Variants in MOB3A observed in about 807,000 individuals in gnomAD.
MOB3A encodes the protein MOB LAK.
MOB3A carries 17 observed loss-of-function variants against 17.8 expected under a neutral mutation model. The ratio of observed to expected loss-of-function variants is 0.95; its 90% CI spans 0.65 to 1.43. MOB3A has a LOEUF of 1.43. Among genes scored for constraint, MOB3A ranks in the 40% most tolerant of loss-of-function variants. The probability of loss-of-function intolerance (pLI) is 0.00; values close to 1 mark genes in which losing one functional copy is unlikely to be tolerated. For synonymous variants in MOB3A, 124 were observed against 133.2 expected, an observed-to-expected ratio of 0.93 and a Z score of 0.48; for missense variants, 333 against 310.8, an observed-to-expected ratio of 1.07 and a Z score of -0.54.
chr19:2,085,259 T>C lies in MOB3A; in HGVS notation c.-204A>G, dbSNP rs2017538877. 1 of 152,032 alleles carries C rather than the reference T, an allele frequency of 6.6e-6. No homozygotes were observed. The highest frequency in any genetic ancestry group is 2.4e-5 in the African/African-American group (1 of 41,350). 9.4% of individuals were successfully genotyped at this position (152,032 alleles called of 1,614,324 possible). On this transcript the variant is annotated 5_prime_UTR_variant, in exon 2 of 5. Transcript: ENST00000357066. Reference sequence around the variant, plus strand: ...ACAAGGCAGGAATCAGCTCTCAGAATTCCACACCAAGGCCTTCTGGGCTCC... The same window carrying C: ...ACAAGGCAGGAATCAGCTCTCAGAACTCCACACCAAGGCCTTCTGGGCTCC...
chr19:2,081,723 A>C (rs10405969), intron 2 of MOB3A, among the ~76,000 whole-genome samples: 2,051 of 152,104 alleles, frequency 0.013, 56 homozygotes, highest in African/African-American at 0.046. Flanking sequence ...GTCTCTACTA[A>C]AAATACAAAA....
chr19:2,078,674 G>A lies in MOB3A; in HGVS notation c.-114C>T, dbSNP rs564937977. On this transcript the variant is annotated 5_prime_UTR_variant, in exon 3 of 5. Coordinates refer to ENST00000357066, the MANE Select transcript of MOB3A (RefSeq NM_130807.3). ...ACTCACCAAGCCCCACAGCTCTCCCGCGGACCTGAAATACACAGGGGAATC... is the reference window on the plus strand; with the variant it reads ...ACTCACCAAGCCCCACAGCTCTCCCACGGACCTGAAATACACAGGGGAATC... The A allele has an allele frequency of 5.3e-5, 57 of 1,071,440 alleles. No homozygotes were observed. The highest frequency in any genetic ancestry group is 2.1e-4 in the African/African-American group (13 of 63,168). The allele number at this position is 1,071,440 out of a possible 1,614,324, so 66.4% of individuals were successfully genotyped here.
At chr19:2,089,368 G>A (rs907070699) in intron 1 of MOB3A, among the ~76,000 whole-genome samples, 2 of 152,138 alleles carry the variant, frequency 1.3e-5, no homozygotes, top group Admixed American at 6.5e-5. Flanking sequence ...CTAGGGCAGC[G>A]TTTCCACTCT....
At position 2,077,102 on chromosome 19, in the gene MOB3A, G is replaced by C. The variant is rs565871026; in HGVS notation, c.422-89C>G. On this transcript the variant is annotated intron_variant, in intron 3 of 4. Coordinates refer to ENST00000357066, the MANE Select transcript of MOB3A (RefSeq NM_130807.3). ...TCCTGGATGTGACAAGGGGCTTCCA[G>C]ACAGAAATTGCTGGCAGATCGGGCG... The C allele has an allele frequency of 4.1e-6, 5 of 1,217,822 alleles. No homozygotes were observed. In the African/African-American group the frequency reaches 7.5e-5, roughly 18 times the overall value. 75.4% of individuals were successfully genotyped at this position (1,217,822 alleles called of 1,614,324 possible).
At chr19:2,087,942 C>T (rs1247998052) in intron 1 of MOB3A, among the ~76,000 whole-genome samples, 5 of 152,208 alleles carry the variant, frequency 3.3e-5, no homozygotes, top group African/African-American at 7.2e-5. Flanking sequence ...TCAGTCTGAA[C>T]GTGGGGGCAG....
chr19:2,074,410 G>T (rs576392388), intron 4 of MOB3A, among the ~76,000 whole-genome samples: 1 of 151,994 alleles, frequency 6.6e-6, no homozygotes, highest in East Asian at 1.9e-4. Flanking sequence ...AAAAGAAAAA[G>T]AAAGAAAAAA....
chr19:2,072,865 A>G lies in MOB3A; in HGVS notation c.*530T>C, dbSNP rs112760145. The G allele has an allele frequency of 3.0e-4, 46 of 154,912 alleles. 1 individual carries two copies. In the South Asian group the frequency reaches 8.4e-3, roughly 28 times the overall value. 9.6% of individuals were successfully genotyped at this position (154,912 alleles called of 1,614,324 possible). ...CAGCGGCTGCCAGTGGGGAGTGCGGAGTAAAGGCCTGCGGGAGGAGATGTC... is the reference window on the plus strand; with the variant it reads ...CAGCGGCTGCCAGTGGGGAGTGCGGGGTAAAGGCCTGCGGGAGGAGATGTC... On this transcript the variant is annotated 3_prime_UTR_variant, in exon 5 of 5. Coordinates refer to ENST00000357066, the MANE Select transcript of MOB3A (RefSeq NM_130807.3).
At chr19:2,077,585 T>C (rs1035293095) in intron 3 of MOB3A, among the ~76,000 whole-genome samples, 9 of 151,856 alleles carry the variant, frequency 5.9e-5, no homozygotes, top group Non-Finnish European at 1.0e-4. Context: ...AGGGGCTCCA[T>C]GGCAGTGATT....
intron 1 of MOB3A, among the ~76,000 whole-genome samples, chr19:2,091,546 G>A (rs375750644): frequency 4.0e-5 from 6 of 151,606 alleles, no homozygotes; most frequent in African/African-American, 9.7e-5. Flanking sequence ...ACTACGCCCA[G>A]CTAATTTTTG....
At chr19:2,077,112 G>T in intron 3 of MOB3A, 99 bp from the exon 4 acceptor site, 3 of 1,123,998 alleles carry the variant, frequency 2.7e-6, no homozygotes, top group Non-Finnish European at 2.6e-6. Flanking sequence ...GACAGAAATT[G>T]CTGGCAGATC....
At chr19:2,081,684 G>A (rs1036007753) in intron 2 of MOB3A, among the ~76,000 whole-genome samples, 1 of 152,150 alleles carries the variant, frequency 6.6e-6, no homozygotes, top group African/African-American at 2.4e-5. Context: ...AGGAGTTCAA[G>A]ACCAGCCTGA....
rs771324564 is a variant in MOB3A, at chr19:2,078,080, G to C, written c.421+60C>G. 6.1e-6 allele frequency: 9 copies of C among 1,471,444 alleles called. No individual in the cohort carries two copies. The East Asian group carries it at 1.7e-4, about 28-fold the overall frequency. 91.1% of individuals were successfully genotyped at this position (1,471,444 alleles called of 1,614,324 possible). On this transcript the variant is annotated intron_variant, in intron 3 of 4. Transcript: ENST00000357066. ...ATTACGGGTGTGAGCCACTGTGCTC[G>C]GCCTCCCTGACTTTTCTGGAAGGCT...
rs759569921 is a variant in MOB3A at position 2,078,282 on chromosome 19, C to T, written c.279G>A (p.Gly93=). The change falls in exon 3 of 5, where the codon GGG becomes GGA. Residue 93 remains glycine (G), a synonymous_variant. Coordinates refer to ENST00000357066, the MANE Select transcript of MOB3A (RefSeq NM_130807.3). ...GCCAGCGGTACTCATACTTGGGGCC[C>T]CCCGACATGACGGGGCAGGACTGCT... ...CTEQSCPVMS[G]GPKYEYRWQD... is the part of the protein sequence containing the mutation. The T allele has an allele frequency of 1.9e-6, 3 of 1,614,140 alleles. No individual in the cohort carries two copies. In the South Asian group the frequency reaches 3.3e-5, roughly 18 times the overall value.
intron 1 of MOB3A, among the ~76,000 whole-genome samples, chr19:2,094,388 G>A (rs1003934826): frequency 4.6e-5 from 7 of 151,988 alleles, no homozygotes; most frequent in Non-Finnish European, 8.8e-5. Flanking sequence ...CCAACCAACC[G>A]AACAAATAAA....
chr19:2,091,663 C>T (rs891014195), intron 1 of MOB3A, among the ~76,000 whole-genome samples: 3 of 150,584 alleles, frequency 2.0e-5, no homozygotes, highest in Non-Finnish European at 4.4e-5. Context: ...GGATTACAGG[C>T]GTGAGCTACT....
chr19:2,076,242 C>A (rs2017405251), intron 4 of MOB3A, among the ~76,000 whole-genome samples: 1 of 151,184 alleles, frequency 6.6e-6, no homozygotes, highest in African/African-American at 2.4e-5. Flanking sequence ...ACAATCCTGG[C>A]TAACACGGTG....
intron 1 of MOB3A, among the ~76,000 whole-genome samples, chr19:2,091,011 T>C (rs2144939263): frequency 6.6e-6 from 1 of 152,310 alleles, no homozygotes; most frequent in Middle Eastern, 3.4e-3. Flanking sequence ...AAGCTGAATA[T>C]AAAGCTCTGC....
intron 1 of MOB3A, chr19:2,095,471 A>G (rs2017671627): frequency 6.6e-6 from 1 of 152,246 alleles, no homozygotes; most frequent in Non-Finnish European, 1.5e-5. Flanking sequence ...CCTATTCGAA[A>G]GGGCCCGACC....
chr19:2,076,924 A>G lies in MOB3A; in HGVS notation c.511T>C (p.Phe171Leu), dbSNP rs752742337. ...GAGCCCATCTGCGCGATGCGGTCAA[A>G]GTGGTGGATGTAGACGTGCACGAAC... ...RVFVHVYIHH[F>L]DRIAQMGSEA... The change falls in exon 4 of 5, where the codon TTT (phenylalanine) becomes CTT (leucine). Residue 171 changes from phenylalanine to leucine, a missense_variant. Phe to Leu is a conservative substitution (Grantham distance 22). Coordinates refer to ENST00000357066, the MANE Select transcript of MOB3A (RefSeq NM_130807.3). 7 of 1,613,912 alleles carry G rather than the reference A, an allele frequency of 4.3e-6. No individual in the cohort carries two copies. In the South Asian group the frequency reaches 6.6e-5, roughly 15 times the overall value.
Sources: gnomAD v4.1 joint callset for allele counts (sites outside exome capture counted in the v4.1 genomes callset) on GRCh38, gnomAD v4.1.1 for gene constraint, MANE v1.5 for transcripts, NCBI Gene and HGNC (gene_info 2026-07-23, HGNC 2026-07-21) for gene names.